The following DROSHA variants were observed in gnomAD, a reference collection of about 807,000 sequenced individuals.
DROSHA encodes the protein drosha ribonuclease III, also known as ribonuclease 3.
A neutral mutation model predicts 181.9 loss-of-function variants in DROSHA; 56 were observed. That is an observed-to-expected ratio of 0.31 (90% confidence interval 0.25 to 0.38). The LOEUF is 0.38. Among genes scored for constraint, DROSHA ranks in the 10% least tolerant of loss-of-function variants. DROSHA has a pLI of 1.00. For missense variants in DROSHA, 1,218 were observed against 1,743.5 expected (o/e 0.70, Z 5.37); for synonymous variants, 524 against 591.2 (o/e 0.89, Z 1.65).
At chr5:31,412,730 A>G (rs1741461763) in intron 30 of DROSHA, among the ~76,000 whole-genome samples, 1 of 152,180 alleles carries the variant, frequency 6.6e-6, no homozygotes, top group African/African-American at 2.4e-5. Flanking sequence ...ATTAACATCC[A>G]TAGAGGAGCT....
intron 11 of DROSHA, among the ~76,000 whole-genome samples, chr5:31,497,107 C>T (rs1466515967): frequency 6.6e-6 from 1 of 152,180 alleles, no homozygotes; most frequent in African/African-American, 2.4e-5. Flanking sequence ...CCAAGTGATG[C>T]GACTCTGAGC....
chr5:31,504,458 G>C, intron 11 of DROSHA, 97 bp downstream of exon 11: 2 of 1,306,108 alleles, frequency 1.5e-6, no homozygotes, highest in Admixed American at 4.3e-5. Flanking sequence ...AGAGAATTTT[G>C]ATGGTATTAT....
chr5:31,445,832 T>C (rs536609481), intron 23 of DROSHA, among the ~76,000 whole-genome samples: 1 of 152,160 alleles, frequency 6.6e-6, no homozygotes, highest in Non-Finnish European at 1.5e-5. Context: ...TCTTCCTCAA[T>C]AGTGAAAGAC....
At chr5:31,428,026 CCAGT>C (rs1743693772) in intron 27 of DROSHA, among the ~76,000 whole-genome samples, 3 of 152,268 alleles carry the variant, frequency 2.0e-5, no homozygotes, top group Non-Finnish European at 4.4e-5. Flanking sequence ...TGCTTTTAAT[CCAGT>C]CATTTATTCA....
intron 20 of DROSHA, among the ~76,000 whole-genome samples, chr5:31,460,239 A>C (rs1748256151): frequency 6.6e-6 from 1 of 152,190 alleles, no homozygotes; most frequent in Non-Finnish European, 1.5e-5. Context: ...CACTCTAACA[A>C]GCAGCAACAC....
At chr5:31,522,051 C>A (rs1454733617) in intron 5 of DROSHA, among the ~76,000 whole-genome samples, 1 of 152,140 alleles carries the variant, frequency 6.6e-6, no homozygotes, top group Non-Finnish European at 1.5e-5. Context: ...TATCCCCCAA[C>A]CTATCACCAA....
intron 10 of DROSHA, 93 bp from the exon 11 acceptor site, chr5:31,504,728 A>T: frequency 1.5e-6 from 2 of 1,306,558 alleles, no homozygotes; most frequent in Non-Finnish European, 1.1e-6. Flanking sequence ...TTTTAATGTC[A>T]TGAGCGCTGA....
chr5:31,468,202 T>A, intron 17 of DROSHA, 139 bp from the exon 18 acceptor site: 2 of 913,292 alleles, frequency 2.2e-6, no homozygotes, highest in Non-Finnish European at 3.2e-6. Flanking sequence ...TAAAACCCTT[T>A]AATTACAGCA....
intron 29 of DROSHA, among the ~76,000 whole-genome samples, chr5:31,422,182 C>A (rs1439985730): frequency 6.6e-6 from 1 of 151,346 alleles, no homozygotes; most frequent in Admixed American, 6.6e-5. Flanking sequence ...AAAAAAAAAT[C>A]TATGATAAGA....
intron 11 of DROSHA, among the ~76,000 whole-genome samples, chr5:31,497,455 C>A (rs896407308): frequency 6.6e-6 from 1 of 152,252 alleles, no homozygotes; most frequent in Admixed American, 6.5e-5. Flanking sequence ...CCAGACAGTC[C>A]TCCTCCACTT....
intron 20 of DROSHA, among the ~76,000 whole-genome samples, chr5:31,454,939 C>CA (rs11340436): frequency 4.3e-4 from 32 of 74,276 alleles, no homozygotes; most frequent in East Asian, 2.3e-3. Flanking sequence ...GACTCTGTCT[C>CA]AAAAAAAAAA....
At chr5:31,529,734 C>CAA (rs70955715) in intron 3 of DROSHA, among the ~76,000 whole-genome samples, 98 of 91,324 alleles carry the variant, frequency 1.1e-3, no homozygotes, top group African/African-American at 3.7e-3. Context: ...AAAAAACAAA[C>CAA]AAAAAAAAAA....
At position 31,429,558 on chromosome 5, in the gene DROSHA, C is replaced by T. The variant is rs768186648; in HGVS notation, c.3146-13G>A. ...AAGTAAACAGCTCCTAGATGAAAAA[C>T]AGAGAATGCCAAAAGAGAGTCTCCA... On this transcript the variant is annotated splice_polypyrimidine_tract_variant and intron_variant, in intron 26 of 35. Coordinates refer to ENST00000344624, the MANE Select transcript of DROSHA (RefSeq NM_001382508.1). 1.2e-5 allele frequency: 19 copies of T among 1,608,000 alleles called. No homozygotes were observed. The highest frequency in any genetic ancestry group is 1.3e-5 in the Non-Finnish European group (15 of 1,176,932).
intron 9 of DROSHA, 49 bp from the exon 10 acceptor site, chr5:31,508,824 T>C: frequency 2.2e-6 from 3 of 1,364,276 alleles, no homozygotes; most frequent in Admixed American, 3.0e-5. Flanking sequence ...ATTAACAAAC[T>C]GGTTTTTTTT....
intron 25 of DROSHA, among the ~76,000 whole-genome samples, chr5:31,434,104 A>G (rs1161091411): frequency 1.3e-5 from 2 of 152,202 alleles, no homozygotes; most frequent in African/African-American, 4.8e-5. Context: ...GCTTGGTGGA[A>G]GAAGACCACA....
intron 5 of DROSHA, among the ~76,000 whole-genome samples, chr5:31,522,925 C>T (rs571287880): frequency 1.3e-5 from 2 of 152,270 alleles, no homozygotes; most frequent in South Asian, 4.2e-4. Flanking sequence ...AAACAGTCCA[C>T]CCTAAGACAA....
intron 20 of DROSHA, among the ~76,000 whole-genome samples, chr5:31,454,386 C>T (rs1243825518): frequency 6.6e-6 from 1 of 152,032 alleles, no homozygotes; most frequent in Non-Finnish European, 1.5e-5. Flanking sequence ...GAGAGGAGGC[C>T]CAGACAAAAG....
chr5:31,473,658 A>C (rs1024844501), intron 16 of DROSHA, among the ~76,000 whole-genome samples: 3 of 152,220 alleles, frequency 2.0e-5, no homozygotes, highest in Non-Finnish European at 4.4e-5. Flanking sequence ...CAAACAGGAC[A>C]AGGAACTAGA....
At chr5:31,465,679 A>G (rs1748915235) in intron 19 of DROSHA, among the ~76,000 whole-genome samples, 1 of 152,068 alleles carries the variant, frequency 6.6e-6, no homozygotes, top group African/African-American at 2.4e-5. Context: ...TCATGGGTGG[A>G]TCCCTCAAGA....
Sources: allele counts gnomAD v4.1 joint callset (sites outside exome capture counted in the v4.1 genomes callset), GRCh38; gene constraint gnomAD v4.1.1; transcripts MANE v1.5; gene names NCBI Gene and HGNC (gene_info 2026-07-23, HGNC 2026-07-21).